Variants in ZNF574 observed in about 807,000 individuals in gnomAD.
ZNF574 encodes zinc finger protein 574.
ZNF574 carries 25 observed loss-of-function variants against 56.6 expected under a neutral mutation model. That is an observed-to-expected ratio of 0.44 (90% confidence interval 0.32 to 0.62). ZNF574 has a LOEUF of 0.62. ZNF574 is among the 20% of genes least tolerant of loss of function. The pLI, the probability that ZNF574 is intolerant of heterozygous loss-of-function variation, is 0.04. For synonymous variants in ZNF574, 543 were observed against 492.1 expected (o/e 1.10, Z -1.37); for missense variants, 1,065 against 1,218.9 (o/e 0.87, Z 1.88).
chr19:42,077,068 G>T (rs1474359077), intron 1 of ZNF574, among the ~76,000 whole-genome samples: 1 of 151,930 alleles, frequency 6.6e-6, no homozygotes, highest in Admixed American at 6.6e-5. Context: ...AGGGGAGGAA[G>T]TAGGGTGGGA....
Position 42,068,820 on chromosome 19 carries a change from G to T in ZNF574, c.109G>T (p.Glu37Ter). ...CTCAAAAGCGGAAAGACATATCCAG[G>T]AGATAGAGACTGGACGGGGTGGGGA... The change falls in exon 1 of 2, where the codon GAG becomes TAG. Residue 37 changes from glutamate to a stop codon, truncating the protein, a stop_gained. Coordinates refer to the ZNF574 transcript ENST00000222339. LOFTEE classifies it high-confidence loss of function. 3.1e-6 allele frequency: 2 copies of T among 644,726 alleles called. No individual in the cohort carries two copies. Among genetic ancestry groups the T allele is most frequent in the Admixed American group, 4.8e-5 (2 of 41,830 alleles). The allele number at this position is 644,726 out of a possible 1,614,324, so 39.9% of individuals were successfully genotyped here.
In ZNF574 at chr19:42,079,024, C is replaced by T; in HGVS notation, c.418C>T (p.Leu140Phe). The change falls in exon 2 of 2, where the codon CTC becomes TTC. Residue 140 changes from leucine to phenylalanine, a missense_variant. Transcript: ENST00000359044. The surrounding 1 kb of genome is among the most constrained non-coding windows in gnomAD (Gnocchi z 4.3). ...DCKALFASQE[L>F]WLNHRQTHLR... ...CAAGGCTCTCTTTGCCAGCCAGGAGCTCTGGCTGAACCACCGGCAGACGCA... is the reference window on the plus strand; with the variant it reads ...CAAGGCTCTCTTTGCCAGCCAGGAGTTCTGGCTGAACCACCGGCAGACGCA... 1 of 1,614,140 alleles carries T rather than the reference C, an allele frequency of 6.2e-7. No homozygotes were observed. Among genetic ancestry groups the T allele is most frequent in the Non-Finnish European group, 8.5e-7 (1 of 1,180,012 alleles).
At position 42,079,566 on chromosome 19, in the gene ZNF574, A is replaced by G. The variant is rs757136101; in HGVS notation, c.960A>G (p.Ser320=). ...CAGCCTGTGACCAGCTCTTTCTCTCACCCCACCAGCTACAGCAGCACCTGC... is the reference window on the plus strand; with the variant it reads ...CAGCCTGTGACCAGCTCTTTCTCTCGCCCCACCAGCTACAGCAGCACCTGC... ...FCSACDQLFL[S]PHQLQQHLRS... is the part of the protein sequence containing the mutation. Residue 320 remains serine, a synonymous_variant, in exon 2 of 2, where the codon TCA becomes TCG. Transcript: ENST00000359044. This position sits in a 1 kb window ranked among gnomAD's most constrained non-coding sequence, Gnocchi z 4.3. 2 of 1,613,718 alleles carry G rather than the reference A, an allele frequency of 1.2e-6. No homozygotes were observed. Among genetic ancestry groups the G allele is most frequent in the East Asian group, 4.5e-5 (2 of 44,880 alleles).
intron 1 of ZNF574, among the ~76,000 whole-genome samples, chr19:42,076,773 G>T (rs1324661312): frequency 6.6e-6 from 1 of 152,122 alleles, no homozygotes; most frequent in Non-Finnish European, 1.5e-5. Flanking sequence ...GGTGAGAGGG[G>T]TTTTGGTGTG....
At chr19:42,072,927 G>C (rs2076434182), upstream of ZNF574, among the ~76,000 whole-genome samples, 1 of 152,226 alleles carries the variant, frequency 6.6e-6, no homozygotes, top group African/African-American at 2.4e-5. Flanking sequence ...TCTGCCCAAG[G>C]TCACACAGCC....
In ZNF574 at chr19:42,080,082, G is replaced by A. The variant is rs748914357; in HGVS notation, c.1476G>A (p.Glu492=). The A allele has an allele frequency of 4.2e-5, 68 of 1,614,010 alleles. No individual in the cohort carries two copies. Among genetic ancestry groups the A allele is most frequent in the Non-Finnish European group, 5.4e-5 (64 of 1,180,040 alleles). ...ACCAACGTTTTGTGCATCGGCTGGA[G>A]CGGCGCCATAAATGCAGCATTTGTG... The part of the protein sequence containing the change: ...TRHQRFVHRL[E]RRHKCSICGK... The change falls in exon 2 of 2, where the codon GAG becomes GAA. Residue 492 remains glutamate, a synonymous_variant. Coordinates refer to ENST00000359044, the MANE Select transcript of ZNF574 (RefSeq NM_022752.6). This position sits in a 1 kb window ranked among gnomAD's most constrained non-coding sequence, Gnocchi z 8.5.
Position 42,081,169 on chromosome 19 carries a change from C to T in ZNF574, c.2563C>T (p.Gln855Ter), listed in dbSNP as rs1226920887. 3 of 1,614,090 alleles carry T rather than the reference C, an allele frequency of 1.9e-6. No homozygotes were observed. The highest frequency in any genetic ancestry group is 1.7e-6 in the Non-Finnish European group (2 of 1,180,044). The change falls in exon 2 of 2, where the codon CAG becomes TAG. Residue 855 changes from glutamine to a stop codon, truncating the protein, a stop_gained. Transcript: ENST00000359044. LOFTEE classifies it high-confidence loss of function. ...QQQHQAAVRQ[Q>*]LAEAEAAVGL... is the part of the protein sequence containing the mutation. The stretch of plus-strand genomic sequence containing the variant: ...GCAGCATCAGGCAGCTGTGCGGCAG[C>T]AGCTGGCAGAGGCGGAGGCTGCCGT...
exon 1 of ZNF574, chr19:42,068,831 T>C (rs1201807558): frequency 1.5e-6 from 1 of 656,448 alleles, no homozygotes; most frequent in Non-Finnish European, 2.8e-6. Flanking sequence ...AGATAGAGAC[T>C]GGACGGGGTG....
intron 1 of ZNF574, among the ~76,000 whole-genome samples, chr19:42,069,655 G>C (rs1263047852): frequency 6.6e-6 from 1 of 151,260 alleles, no homozygotes; most frequent in South Asian, 2.1e-4. Flanking sequence ...GCCGGCCTGG[G>C]GGGGCCACAG....
chr19:42,080,151 C>T lies in ZNF574; in HGVS notation c.1545C>T (p.Arg515=). 1 of 1,614,072 alleles carries T rather than the reference C, an allele frequency of 6.2e-7. No individual in the cohort carries two copies. The highest frequency in any genetic ancestry group is 8.5e-7 in the Non-Finnish European group (1 of 1,180,024). The change falls in exon 2 of 2, where the codon CGC becomes CGT. Residue 515 remains arginine (R), a synonymous_variant. Coordinates refer to ENST00000359044, the MANE Select transcript of ZNF574 (RefSeq NM_022752.6). This position sits in a 1 kb window ranked among gnomAD's most constrained non-coding sequence, Gnocchi z 8.5. ...KKKSHVRNHL[R]THTGERPFPC... The stretch of plus-strand genomic sequence containing the variant: ...AGTCTCACGTGCGTAACCACCTGCG[C>T]ACACACACAGGGGAGCGGCCCTTCC...
intron 1 of ZNF574, 72 bp from the exon 2 acceptor site, chr19:42,078,512 GAGT>G: frequency 9.4e-7 from 1 of 1,062,274 alleles, no homozygotes; most frequent in Non-Finnish European, 1.3e-6. Flanking sequence ...AAGGTATTAG[GAGT>G]GGAGAGTGAT....
Position 42,081,342 on chromosome 19 carries a change from A to G in ZNF574, c.*45A>G. On this transcript the variant is annotated 3_prime_UTR_variant, in exon 2 of 2. Coordinates refer to ENST00000359044, the MANE Select transcript of ZNF574 (RefSeq NM_022752.6). Reference sequence around the variant, plus strand: ...TGGCACCTCCATTCCCTGTTGCTGAAGGCCCTCCAGCATCCCCTTAAGCAT... The same window carrying G: ...TGGCACCTCCATTCCCTGTTGCTGAGGGCCCTCCAGCATCCCCTTAAGCAT... 1 of 1,611,714 alleles carries G rather than the reference A, an allele frequency of 6.2e-7. No individual in the cohort carries two copies. Among genetic ancestry groups the G allele is most frequent in the Non-Finnish European group, 8.5e-7 (1 of 1,178,018 alleles).
At chr19:42,073,382 G>A (rs2076437193), upstream of ZNF574, among the ~76,000 whole-genome samples, 1 of 152,040 alleles carries the variant, frequency 6.6e-6, no homozygotes, top group Admixed American at 6.5e-5. Context: ...GGCTCCCGGA[G>A]ATACTAATAA....
chr19:42,080,631 A>C lies in ZNF574; in HGVS notation c.2025A>C (p.Lys675Asn). Residue 675 changes from lysine (K) to asparagine (N), a missense_variant, in exon 2 of 2, where the codon AAA becomes AAC. Transcript: ENST00000359044. The surrounding 1 kb of genome is among the most constrained non-coding windows in gnomAD (Gnocchi z 8.5). ...RRFECGTCGK[K>N]VGSAARLQAH... ...TTGAGTGTGGCACCTGTGGCAAGAAAGTGGGCTCAGCTGCTCGACTGCAGG... is the reference window on the plus strand; with the variant it reads ...TTGAGTGTGGCACCTGTGGCAAGAACGTGGGCTCAGCTGCTCGACTGCAGG... 1 of 1,612,920 alleles carries C rather than the reference A, an allele frequency of 6.2e-7. No homozygotes were observed. Among genetic ancestry groups the C allele is most frequent in the Non-Finnish European group, 8.5e-7 (1 of 1,179,874 alleles).
rs1223894686 is a variant in ZNF574 at position 42,079,556 on chromosome 19, T to C, written c.950T>C (p.Leu317Pro). ...QELFCSACDQ[L>P]FLSPHQLQQH... ...CTCTTCTGCTCAGCCTGTGACCAGCTCTTTCTCTCACCCCACCAGCTACAG... is the reference window on the plus strand; with the variant it reads ...CTCTTCTGCTCAGCCTGTGACCAGCCCTTTCTCTCACCCCACCAGCTACAG... Residue 317 changes from leucine to proline, a missense_variant, in exon 2 of 2, where the codon CTC becomes CCC. Transcript: ENST00000359044. This position sits in a 1 kb window ranked among gnomAD's most constrained non-coding sequence, Gnocchi z 4.3. 6.2e-7 allele frequency: 1 copy of C among 1,614,078 alleles called. No individual in the cohort carries two copies. Among genetic ancestry groups the C allele is most frequent in the Admixed American group, 1.7e-5 (1 of 60,028 alleles).
At chr19:42,072,395 C>T (rs1194581900), upstream of ZNF574, among the ~76,000 whole-genome samples, 4 of 151,402 alleles carry the variant, frequency 2.6e-5, no homozygotes, top group African/African-American at 9.7e-5. Flanking sequence ...CCACCACACC[C>T]GGCTAACTTT....
exon 1 of ZNF574, chr19:42,068,697 G>T: frequency 2.1e-6 from 1 of 466,204 alleles, no homozygotes. Context: ...CAGAGAGAGG[G>T]ATCTAAACAG....
rs768774343 is a variant in ZNF574 at position 42,080,161 on chromosome 19, G to C, written c.1555G>C (p.Gly519Arg). 5 of 1,613,876 alleles carry C rather than the reference G, an allele frequency of 3.1e-6. No homozygotes were observed. Among genetic ancestry groups the C allele is most frequent in the African/African-American group, 1.3e-5 (1 of 74,914 alleles). ...GCGTAACCACCTGCGCACACACACA[G>C]GGGAGCGGCCCTTCCCCTGCCCTGA... ...HVRNHLRTHTGERPFPCPDCS... is the reference protein window; with the variant it reads ...HVRNHLRTHTRERPFPCPDCS... Residue 519 changes from glycine to arginine, a missense_variant, in exon 2 of 2, where the codon GGG becomes CGG. Transcript: ENST00000359044. The surrounding 1 kb of genome is among the most constrained non-coding windows in gnomAD (Gnocchi z 8.5).
chr19:42,078,021 T>C (rs193033286), intron 1 of ZNF574, among the ~76,000 whole-genome samples: 1 of 152,090 alleles, frequency 6.6e-6, no homozygotes, highest in East Asian at 1.9e-4. Flanking sequence ...GGGTGGCACC[T>C]TGTACAGTGC....
Sources: gnomAD v4.1 joint callset for allele counts (sites outside exome capture counted in the v4.1 genomes callset) on GRCh38, gnomAD v4.1.1 for gene constraint, Gnocchi (gnomAD v3.1) non-coding constraint, MANE v1.5 for transcripts, NCBI Gene and HGNC (gene_info 2026-07-23, HGNC 2026-07-21) for gene names.